The following SERAC1 variants were observed in gnomAD, a reference collection of about 807,000 sequenced individuals.
SERAC1 encodes the protein serine active site containing 1.
A neutral mutation model predicts 85.7 loss-of-function variants in SERAC1; 36 were observed. The observed-to-expected ratio is 0.42, with a 90% CI of 0.32 to 0.55. The LOEUF (loss-of-function observed/expected upper bound fraction) is 0.55, where lower values mean the gene tolerates loss of function less well. Among genes scored for constraint, SERAC1 ranks in the 20% least tolerant of loss-of-function variants. The pLI, the probability that SERAC1 is intolerant of heterozygous loss-of-function variation, is 0.11. For missense variants in SERAC1, 629 were observed against 796.2 expected (o/e 0.79, Z 2.53); for synonymous variants, 242 against 265.3 (o/e 0.91, Z 0.85).
chr6:158,149,921 G>A (rs1239441387), intron 4 of SERAC1, among the ~76,000 whole-genome samples: 3 of 152,134 alleles, frequency 2.0e-5, no homozygotes, highest in Admixed American at 1.3e-4. Flanking sequence ...AAAAGTTCAC[G>A]TTCCCATGCA....
intron 8 of SERAC1, among the ~76,000 whole-genome samples, chr6:158,132,076 G>A (rs1167745536): frequency 6.6e-6 from 1 of 152,146 alleles, no homozygotes; most frequent in African/African-American, 2.4e-5. Context: ...CTGCATTGCT[G>A]TAGGTGCTTT....
chr6:158,141,134 A>G lies in SERAC1; in HGVS notation c.738+1922T>C, dbSNP rs115733567. ...CCATAAAAAGGAATGAAGCACTGAT[A>G]TGCCACAGTGTGGCTGAGCCTTGAA... On this transcript the variant is annotated intron_variant, in intron 8 of 16. Coordinates refer to ENST00000647468, the MANE Select transcript of SERAC1 (RefSeq NM_032861.4). 4.1e-3 allele frequency among the ~76,000 whole-genome samples: 620 copies of G among 152,376 alleles called. 3 individuals are homozygous for G. Among genetic ancestry groups the G allele is most frequent in the African/African-American group, 0.014 (576 of 41,598 alleles).
chr6:158,159,915 C>T (rs1650101303), intron 1 of SERAC1, among the ~76,000 whole-genome samples: 2 of 152,204 alleles, frequency 1.3e-5, no homozygotes, highest in Admixed American at 1.3e-4. Flanking sequence ...CAAAGATTAT[C>T]TTATTCTGCT....
chr6:158,159,881 C>T (rs926111707), intron 1 of SERAC1, among the ~76,000 whole-genome samples: 4 of 152,232 alleles, frequency 2.6e-5, no homozygotes, highest in African/African-American at 9.6e-5. Context: ...CCGCCTCGGC[C>T]TCCCGAAGTG....
chr6:158,129,844 C>T (rs957795346), intron 9 of SERAC1, among the ~76,000 whole-genome samples: 3 of 151,872 alleles, frequency 2.0e-5, no homozygotes, highest in African/African-American at 7.3e-5. Context: ...TACAGGTGCG[C>T]ACCACCACAC....
intron 5 of SERAC1, 25 bp from the exon 6 acceptor site, chr6:158,146,938 C>T: frequency 6.2e-7 from 1 of 1,607,818 alleles, no homozygotes; most frequent in Non-Finnish European, 8.5e-7. Flanking sequence ...AAAGCCAAGA[C>T]AATGTGAAAA....
At chr6:158,127,414 A>G (rs1186626411) in intron 10 of SERAC1, among the ~76,000 whole-genome samples, 2 of 41,814 alleles carry the variant, frequency 4.8e-5, no homozygotes, top group Admixed American at 2.8e-4. Context: ...CCCGTCCGGG[A>G]GGTGAGGGGC....
chr6:158,120,516 C>T lies in SERAC1; in HGVS notation c.1075G>A (p.Ala359Thr), dbSNP rs757825963. The T allele has an allele frequency of 2.3e-5, 37 of 1,613,810 alleles. No homozygotes were observed. Among genetic ancestry groups the T allele is most frequent in the Non-Finnish European group, 2.8e-5 (33 of 1,179,942 alleles). Residue 359 changes from alanine (A) to threonine (T), a missense_variant, in exon 11 of 17, where the codon GCT becomes ACT. Transcript: ENST00000647468. This position sits in a 1 kb window ranked among gnomAD's most constrained non-coding sequence, Gnocchi z 4.4. ...TCTAGATTTGCCAGGATTCTGGCAGCGTGTGAGGACTCCATAATGTGGGGA... is the reference window on the plus strand; with the variant it reads ...TCTAGATTTGCCAGGATTCTGGCAGTGTGTGAGGACTCCATAATGTGGGGA... Reference protein sequence around the residue: ...KSPHIMESSHAARILANLDRE... With the variant: ...KSPHIMESSHTARILANLDRE...
At chr6:158,155,751 A>G (rs1785314680) in intron 2 of SERAC1, among the ~76,000 whole-genome samples, 2 of 152,228 alleles carry the variant, frequency 1.3e-5, no homozygotes, top group African/African-American at 4.8e-5. Flanking sequence ...CTAGGACTAT[A>G]CTGAAGGATT....
intron 8 of SERAC1, among the ~76,000 whole-genome samples, chr6:158,142,180 A>C (rs1784933226): frequency 6.7e-6 from 1 of 150,304 alleles, no homozygotes; most frequent in Non-Finnish European, 1.5e-5. Context: ...TTTTTTTTTG[A>C]GACAGGGTCT....
chr6:158,154,929 G>A (rs1314915091), intron 3 of SERAC1, among the ~76,000 whole-genome samples: 5 of 148,136 alleles, frequency 3.4e-5, no homozygotes, highest in East Asian at 2.0e-4. Flanking sequence ...TAAGTGTGCC[G>A]GAGCTGAGTG....
intron 1 of SERAC1, 84 bp from the exon 2 acceptor site, chr6:158,158,448 C>T: frequency 2.0e-6 from 2 of 997,916 alleles, no homozygotes; most frequent in Non-Finnish European, 3.1e-6. Context: ...ATGTTACCAT[C>T]ACAGTGGATG....
intron 1 of SERAC1, among the ~76,000 whole-genome samples, chr6:158,164,311 T>TA (rs1554266193): frequency 6.6e-6 from 1 of 151,690 alleles, no homozygotes; most frequent in Non-Finnish European, 1.5e-5. Flanking sequence ...CCATCTCTAC[T>TA]AAAAATTCAA....
rs141442648 is a variant in SERAC1, at chr6:158,159,760, G to A, written c.-1-1396C>T. On this transcript the variant is annotated intron_variant, in intron 1 of 16. Coordinates refer to ENST00000647468, the MANE Select transcript of SERAC1 (RefSeq NM_032861.4). The stretch of plus-strand genomic sequence containing the variant: ...CCACCTCAGCCTACCGAGCAGCTGG[G>A]ACTACAGGTGCCCACCACCACACTC... 3.9e-3 allele frequency among the ~76,000 whole-genome samples: 590 copies of A among 151,950 alleles called. 6 individuals carry two copies. Among genetic ancestry groups the A allele is most frequent in the African/African-American group, 0.014 (564 of 41,454 alleles).
intron 15 of SERAC1, 30 bp from the exon 16 acceptor site, chr6:158,113,622 C>T (rs1191768550): frequency 1.9e-6 from 3 of 1,570,870 alleles, no homozygotes; most frequent in East Asian, 4.5e-5. Flanking sequence ...AAGACTGTGA[C>T]AAGTTGTTTA....
chr6:158,132,206 T>G (rs1268229946), intron 8 of SERAC1, among the ~76,000 whole-genome samples: 1 of 152,202 alleles, frequency 6.6e-6, no homozygotes, highest in African/African-American at 2.4e-5. Context: ...AAGCCCAGTG[T>G]TTTCCATAGG....
At chr6:158,127,362 G>C (rs1271867460) in intron 10 of SERAC1, among the ~76,000 whole-genome samples, 33 of 37,728 alleles carry the variant, frequency 8.7e-4, no homozygotes, top group African/African-American at 2.2e-3. Flanking sequence ...GCCCCGTCCG[G>C]GAGGGAGGTG....
chr6:158,116,538 T>C, intron 13 of SERAC1: 1 of 399,760 alleles, frequency 2.5e-6, no homozygotes, highest in Non-Finnish European at 4.6e-6. Flanking sequence ...ACGCCTGGGA[T>C]CTCTCTGCTC....
At chr6:158,123,963 T>C (rs1408659092) in intron 10 of SERAC1, among the ~76,000 whole-genome samples, 2 of 152,068 alleles carry the variant, frequency 1.3e-5, no homozygotes, top group African/African-American at 4.8e-5. Context: ...TTAGGTGAAG[T>C]GGTTTCAGGC....
Sources: allele counts gnomAD v4.1 joint callset (sites outside exome capture counted in the v4.1 genomes callset), GRCh38; gene constraint gnomAD v4.1.1; non-coding constraint Gnocchi (gnomAD v3.1); transcripts MANE v1.5; gene names NCBI Gene and HGNC (gene_info 2026-07-23, HGNC 2026-07-21).